Variants in ALDH1L2 observed in about 807,000 individuals in gnomAD.
The protein encoded by ALDH1L2 is mitochondrial 10-formyltetrahydrofolate dehydrogenase.
ALDH1L2 carries 91 observed loss-of-function variants against 111.0 expected under a neutral mutation model. That is an observed-to-expected ratio of 0.82 (90% CI 0.69 to 0.98). The LOEUF (loss-of-function observed/expected upper bound fraction) is 0.98. ALDH1L2 is among the 50% of genes least tolerant of loss of function. The probability of loss-of-function intolerance (pLI) is 0.00; values close to 1 mark genes in which losing one functional copy is unlikely to be tolerated. For synonymous variants in ALDH1L2, 374 were observed against 392.6 expected (o/e 0.95, Z 0.56); for missense variants, 995 against 1,126.8 (o/e 0.88, Z 1.67).
At position 105,034,371 on chromosome 12, in the gene ALDH1L2, CT is replaced by C; in HGVS notation, c.2172del (p.Gly725GlufsTer21). ...RMGMGAVFFN[K>X]GENCIAAGRL... is the part of the protein sequence containing the mutation. ...CGCCCAGCAGCAATACAGTTCTCTCCTTTGTTGAAAAATACTGCTCCCATGC... is the reference window on the plus strand; with the variant it reads ...CGCCCAGCAGCAATACAGTTCTCTCCTTGTTGAAAAATACTGCTCCCATGC... On this transcript the variant is annotated frameshift_variant, in exon 19 of 23. Transcript: ENST00000258494. LOFTEE classifies it high-confidence loss of function. 6.2e-7 allele frequency: 1 copy of C among 1,611,196 alleles called. No homozygotes were observed. The highest frequency in any genetic ancestry group is 8.5e-7 in the Non-Finnish European group (1 of 1,179,324).
At chr12:105,047,842 T>C (rs1360470955) in intron 13 of ALDH1L2, 1 of 152,210 alleles carries the variant, frequency 6.6e-6, no homozygotes, top group East Asian at 1.9e-4. Flanking sequence ...ATATACCTTA[T>C]ATTATCTACT....
chr12:105,082,965 T>C (rs1237190469), intron 1 of ALDH1L2, among the ~76,000 whole-genome samples: 2 of 151,822 alleles, frequency 1.3e-5, no homozygotes, highest in Non-Finnish European at 2.9e-5. Context: ...CAGCCATGAG[T>C]ATCACTGCTT....
rs1043497679 is a variant in ALDH1L2, at chr12:105,049,893, A to G, written c.1686+15T>C. ...AGTCCCTTTTTCTTTCAGAACAAATAATATTTGTGCTTACCTGAATTTTGT... is the reference window on the plus strand; with the variant it reads ...AGTCCCTTTTTCTTTCAGAACAAATGATATTTGTGCTTACCTGAATTTTGT... On this transcript the variant is annotated intron_variant, in intron 13 of 22. Transcript: ENST00000258494. 1 of 1,604,096 alleles carries G rather than the reference A, an allele frequency of 6.2e-7. No individual in the cohort carries two copies. Among genetic ancestry groups the G allele is most frequent in the African/African-American group, 1.3e-5 (1 of 74,576 alleles).
intron 15 of ALDH1L2, among the ~76,000 whole-genome samples, chr12:105,045,931 T>G (rs1875818828): frequency 6.6e-6 from 1 of 151,902 alleles, no homozygotes; most frequent in South Asian, 2.1e-4. Context: ...AGAAGTTTAT[T>G]TTTCTTCTAA....
At chr12:105,027,458 C>G (rs1281230836) in intron 21 of ALDH1L2, among the ~76,000 whole-genome samples, 1 of 152,144 alleles carries the variant, frequency 6.6e-6, no homozygotes, top group African/African-American at 2.4e-5. Context: ...TGCCTGAAGC[C>G]GTTTCAGATC....
chr12:105,077,705 A>C (rs1186422982), intron 1 of ALDH1L2, among the ~76,000 whole-genome samples: 1 of 151,510 alleles, frequency 6.6e-6, no homozygotes, highest in Non-Finnish European at 1.5e-5. Context: ...TTCAGGAAGC[A>C]AGTTAATACA....
chr12:105,074,405 C>G (rs2136110366), intron 1 of ALDH1L2, among the ~76,000 whole-genome samples: 1 of 139,386 alleles, frequency 7.2e-6, no homozygotes, highest in African/African-American at 2.8e-5. Flanking sequence ...TTGCAGTGAG[C>G]CGAGATCACA....
chr12:105,027,472 C>T (rs1043643759), intron 21 of ALDH1L2, among the ~76,000 whole-genome samples: 3 of 152,188 alleles, frequency 2.0e-5, no homozygotes, highest in African/African-American at 7.2e-5. Flanking sequence ...TCAGATCCCA[C>T]CAGTGCCATT....
At chr12:105,075,813 C>T (rs1878022634) in intron 1 of ALDH1L2, among the ~76,000 whole-genome samples, 1 of 152,086 alleles carries the variant, frequency 6.6e-6, no homozygotes, top group African/African-American at 2.4e-5. Context: ...GACAGGGTTT[C>T]ACTCCATGGT....
At chr12:105,057,471 G>GCATTATT (rs1278082451) in intron 10 of ALDH1L2, among the ~76,000 whole-genome samples, 4 of 152,130 alleles carry the variant, frequency 2.6e-5, no homozygotes, top group Non-Finnish European at 5.9e-5. Context: ...AATTTTCATA[G>GCATTATT]CATTATTCAT....
intron 18 of ALDH1L2, among the ~76,000 whole-genome samples, chr12:105,035,109 CA>C (rs761895164): frequency 6.6e-6 from 1 of 152,152 alleles, no homozygotes; most frequent in African/African-American, 2.4e-5. Flanking sequence ...CCACCTTACC[CA>C]GCTAATTTTT....
chr12:105,040,521 G>A lies in ALDH1L2; in HGVS notation c.1951+86C>T, dbSNP rs1875469525. 9.3e-6 allele frequency: 11 copies of A among 1,183,448 alleles called. No individual in the cohort carries two copies. In the Admixed American group the frequency reaches 1.9e-4, roughly 20 times the overall value. 73.3% of individuals were successfully genotyped at this position (1,183,448 alleles called of 1,614,324 possible). A position where few individuals can be genotyped will look rare whatever the true frequency, so the allele number is the denominator to read the frequency against. ...TTAGTTTTAATACAGTTATAATTCA[G>A]GACAAGTCTCTAGAGGTAAAAGAGC... On this transcript the variant is annotated intron_variant, in intron 16 of 22. Coordinates refer to ENST00000258494, the MANE Select transcript of ALDH1L2 (RefSeq NM_001034173.4).
chr12:105,070,109 C>G (rs755414921), intron 3 of ALDH1L2, among the ~76,000 whole-genome samples: 1 of 152,170 alleles, frequency 6.6e-6, no homozygotes, highest in Non-Finnish European at 1.5e-5. Flanking sequence ...CATTAAAGCC[C>G]GTATTAATAG....
At chr12:105,046,664 A>G (rs767067566) in intron 15 of ALDH1L2, 46 bp downstream of exon 15, 2 of 1,530,408 alleles carry the variant, frequency 1.3e-6, no homozygotes, top group Non-Finnish European at 9.0e-7. Context: ...GAAGTACTGG[A>G]TATAAGAGAG....
chr12:105,084,290 C>T, intron 1 of ALDH1L2, 99 bp downstream of exon 1: 2 of 1,318,280 alleles, frequency 1.5e-6, no homozygotes, highest in Non-Finnish European at 2.0e-6. Flanking sequence ...GTCTAAGCAT[C>T]GCTGCTCATC....
intron 18 of ALDH1L2, among the ~76,000 whole-genome samples, chr12:105,037,357 T>C (rs1875218871): frequency 6.6e-6 from 1 of 152,242 alleles, no homozygotes; most frequent in African/African-American, 2.4e-5. Flanking sequence ...AAAACCATAG[T>C]ACATTGTTAA....
At chr12:105,065,224 A>C in intron 6 of ALDH1L2, 43 bp downstream of exon 6, 6 of 1,077,178 alleles carry the variant, frequency 5.6e-6, no homozygotes, top group African/African-American at 3.9e-5. Context: ...TACAAAGGTA[A>C]TAATCGGGGA....
At chr12:105,029,219 A>C (rs978931864) in intron 21 of ALDH1L2, among the ~76,000 whole-genome samples, 21 of 152,074 alleles carry the variant, frequency 1.4e-4, no homozygotes, top group Non-Finnish European at 2.6e-4. Flanking sequence ...TTTTGTAGAG[A>C]CAGGGTCTTT....
In ALDH1L2 at chr12:105,040,653, C is replaced by T. The variant is rs1354065089; in HGVS notation, c.1905G>A (p.Val635=). The T allele has an allele frequency of 1.9e-6, 3 of 1,614,176 alleles. No homozygotes were observed. The highest frequency in any genetic ancestry group is 2.5e-6 in the Non-Finnish European group (3 of 1,180,016). ...LTALKFAELS[V]KAGFPKGVIN... is the part of the protein sequence containing the mutation. ...TGACCCCCTTTGGAAAGCCTGCTTTCACAGACAGTTCTGCAAACTTCAAAG... is the reference window on the plus strand; with the variant it reads ...TGACCCCCTTTGGAAAGCCTGCTTTTACAGACAGTTCTGCAAACTTCAAAG... Residue 635 remains valine (V), a synonymous_variant, in exon 16 of 23, where the codon GTG becomes GTA. Coordinates refer to ENST00000258494, the MANE Select transcript of ALDH1L2 (RefSeq NM_001034173.4).
Sources: allele counts gnomAD v4.1 joint callset (sites outside exome capture counted in the v4.1 genomes callset), GRCh38; gene constraint gnomAD v4.1.1; transcripts MANE v1.5; gene names NCBI Gene and HGNC (gene_info 2026-07-23, HGNC 2026-07-21).